Variants in LRP1B observed in about 807,000 individuals in gnomAD.
LRP1B encodes LDL receptor related protein 1B, also known as low-density lipoprotein receptor-related protein 1B.
In LRP1B, 217 loss-of-function variants were observed where a neutral mutation model predicts 556.6. The ratio of observed to expected loss-of-function variants is 0.39; its 90% confidence interval spans 0.35 to 0.44. The LOEUF (loss-of-function observed/expected upper bound fraction) is 0.44, where lower values mean the gene tolerates loss of function less well. Among genes scored for constraint, LRP1B ranks in the 20% least tolerant of loss-of-function variants. The pLI, the probability that LRP1B is intolerant of heterozygous loss-of-function variation, is 1.00. For missense variants in LRP1B, 5,053 were observed against 5,620.8 expected, an observed-to-expected ratio of 0.90 and a Z score of 3.23; for synonymous variants, 2,047 against 1,865.8, an observed-to-expected ratio of 1.10 and a Z score of -2.50.
intron 85 of LRP1B, among the ~76,000 whole-genome samples, 185 bp downstream of exon 85, chr2:140,274,239 A>T (rs112539988): frequency 6.6e-6 from 1 of 152,038 alleles, no homozygotes; most frequent in East Asian, 1.9e-4. Context: ...TTCACAATAG[A>T]TGTTGAATAA....
chr2:141,934,631 AG>A lies in LRP1B; in HGVS notation c.83-124231del, dbSNP rs1700585943. Among the ~76,000 whole-genome samples the A allele has an allele frequency of 2.0e-5, 3 of 152,142 alleles. No individual in the cohort carries two copies. The South Asian group carries it at 6.2e-4, about 31-fold the overall frequency. Reference sequence around the variant, plus strand: ...ATCCCCACATGTTGTGGGAGGGACCAGGTGGAGATAATTATGGGGGCTGTTA... The same window carrying A: ...ATCCCCACATGTTGTGGGAGGGACCAGTGGAGATAATTATGGGGGCTGTTA... On this transcript the variant is annotated intron_variant, in intron 1 of 90. Coordinates refer to ENST00000389484, the MANE Select transcript of LRP1B (RefSeq NM_018557.3).
intron 30 of LRP1B, 111 bp downstream of exon 30, chr2:140,840,807 T>G (rs1298705675): frequency 1.4e-6 from 1 of 735,862 alleles, no homozygotes; most frequent in Non-Finnish European, 2.1e-6. Context: ...TTTTTTTAAC[T>G]CTTATGGCTG....
chr2:140,933,634 T>A lies in LRP1B; in HGVS notation c.3137-10487A>T, dbSNP rs115181225. On this transcript the variant is annotated intron_variant, in intron 20 of 90. Transcript: ENST00000389484. ...TATATCTTTAACAAAACAAGGGATG[T>A]TACTCTGATGTCAAAGTGCATAATA... Among the ~76,000 whole-genome samples the A allele has an allele frequency of 5.6e-3, 845 of 152,230 alleles. 10 individuals carry two copies. The highest frequency in any genetic ancestry group is 0.019 in the African/African-American group (794 of 41,562).
chr2:142,057,205 T>C (rs1012128621), intron 1 of LRP1B, among the ~76,000 whole-genome samples: 2 of 152,124 alleles, frequency 1.3e-5, no homozygotes, highest in African/African-American at 4.8e-5. Context: ...ACTGGGAACA[T>C]TGCACCTTAA....
At chr2:141,118,169 A>G (rs1162822728) in intron 7 of LRP1B, among the ~76,000 whole-genome samples, 1 of 151,930 alleles carries the variant, frequency 6.6e-6, no homozygotes, top group Non-Finnish European at 1.5e-5. Context: ...GATGCTTCAA[A>G]AATATTCAAT....
intron 63 of LRP1B, among the ~76,000 whole-genome samples, chr2:140,444,916 TAA>T (rs1272909763): frequency 1.3e-5 from 2 of 152,084 alleles, no homozygotes; most frequent in Non-Finnish European, 2.9e-5. Context: ...TAATAACATA[TAA>T]ATATATTTTT....
rs538373865 is a variant in LRP1B at position 140,346,716 on chromosome 2, ATGTG to A, written c.11892+4077_11892+4080del. On this transcript the variant is annotated intron_variant, in intron 77 of 90. Coordinates refer to ENST00000389484, the MANE Select transcript of LRP1B (RefSeq NM_018557.3). ...ACCTATGCACTTTGTGTGTGCATGC[ATGTG>A]TGTGTGTATGTTTGTGATACAGACT... Among the ~76,000 whole-genome samples the A allele has an allele frequency of 4.2e-3, 635 of 151,934 alleles. 2 individuals carry two copies. Among genetic ancestry groups the A allele is most frequent in the Non-Finnish European group, 6.5e-3 (442 of 67,858 alleles).
chr2:141,633,050 C>G (rs189419497), intron 2 of LRP1B, among the ~76,000 whole-genome samples: 1 of 152,168 alleles, frequency 6.6e-6, no homozygotes, highest in East Asian at 1.9e-4. Context: ...CATTCATTGT[C>G]AAATTCGGAA....
At chr2:140,941,617 C>T (rs974412144) in intron 20 of LRP1B, among the ~76,000 whole-genome samples, 2 of 152,178 alleles carry the variant, frequency 1.3e-5, no homozygotes, top group African/African-American at 4.8e-5. Flanking sequence ...CAAAAACATA[C>T]TGCTTCAACA....
At chr2:141,605,130 T>C (rs891050105) in intron 2 of LRP1B, among the ~76,000 whole-genome samples, 26 of 152,062 alleles carry the variant, frequency 1.7e-4, no homozygotes, top group African/African-American at 4.8e-4. Context: ...TTCGATTTGC[T>C]ATATATATTT....
intron 35 of LRP1B, among the ~76,000 whole-genome samples, chr2:140,747,087 A>C (rs1355921531): frequency 6.6e-6 from 1 of 152,184 alleles, no homozygotes; most frequent in Non-Finnish European, 1.5e-5. Context: ...TCTCTGTGTC[A>C]GTTTCTATGG....
intron 1 of LRP1B, among the ~76,000 whole-genome samples, chr2:141,966,239 C>A (rs1372811864): frequency 6.6e-6 from 1 of 151,816 alleles, no homozygotes; most frequent in Non-Finnish European, 1.5e-5. Flanking sequence ...AAGAGGGAAA[C>A]TAGAGAGTCG....
intron 2 of LRP1B, among the ~76,000 whole-genome samples, chr2:141,669,563 T>C (rs972482416): frequency 6.6e-6 from 1 of 152,182 alleles, no homozygotes; most frequent in Non-Finnish European, 1.5e-5. Context: ...CTGCCCACCC[T>C]GTAAGACTTG....
At chr2:141,542,748 T>C (rs1330758869) in intron 2 of LRP1B, among the ~76,000 whole-genome samples, 2 of 152,292 alleles carry the variant, frequency 1.3e-5, no homozygotes, top group East Asian at 3.9e-4. Context: ...TTTGTCTCAT[T>C]TTTAAGGTAG....
intron 87 of LRP1B, among the ~76,000 whole-genome samples, chr2:140,242,541 C>T (rs561350275): frequency 7.3e-5 from 11 of 151,262 alleles, no homozygotes; most frequent in Admixed American, 6.6e-5. Context: ...TGACCCTTCT[C>T]TTATATTGCT....
At chr2:140,694,632 G>A (rs1686362376) in intron 41 of LRP1B, among the ~76,000 whole-genome samples, 1 of 152,068 alleles carries the variant, frequency 6.6e-6, no homozygotes, top group African/African-American at 2.4e-5. Flanking sequence ...ATCACTTTGA[G>A]TATTACTTTT....
chr2:140,263,176 C>T (rs1190042354), intron 86 of LRP1B, among the ~76,000 whole-genome samples: 1 of 152,100 alleles, frequency 6.6e-6, no homozygotes, highest in African/African-American at 2.4e-5. Context: ...ACCTAGGTAT[C>T]CCAAAGTGCT....
chr2:140,869,034 T>A (rs142687864), intron 25 of LRP1B, among the ~76,000 whole-genome samples: 3 of 152,132 alleles, frequency 2.0e-5, no homozygotes, highest in African/African-American at 7.2e-5. Context: ...ATCCATGTCT[T>A]ACCCACTCTC....
chr2:140,947,341 G>T (rs527831071), intron 20 of LRP1B, among the ~76,000 whole-genome samples: 1 of 152,008 alleles, frequency 6.6e-6, no homozygotes, highest in Admixed American at 6.6e-5. Context: ...CTACCCTTTT[G>T]AAAACAATTT....
Sources: gnomAD v4.1 joint callset for allele counts (sites outside exome capture counted in the v4.1 genomes callset) on GRCh38, gnomAD v4.1.1 for gene constraint, MANE v1.5 for transcripts, NCBI Gene and HGNC (gene_info 2026-07-23, HGNC 2026-07-21) for gene names.